ANXA4: variants seen among roughly 807,000 people sequenced by gnomAD.
ANXA4 encodes the protein 35-beta calcimedin.
ANXA4 carries 39 observed loss-of-function variants against 49.8 expected under a neutral mutation model. The ratio of observed to expected loss-of-function variants is 0.78; its 90% CI spans 0.61 to 1.02. The LOEUF is 1.02. ANXA4 is among the 50% of genes least tolerant of loss of function. The probability of loss-of-function intolerance (pLI) is 0.00; values close to 1 mark genes in which losing one functional copy is unlikely to be tolerated. For missense variants in ANXA4, 360 were observed against 410.1 expected (o/e 0.88, Z 1.05); for synonymous variants, 134 against 152.5 (o/e 0.88, Z 0.89).
intron 2 of ANXA4, among the ~76,000 whole-genome samples, chr2:69,677,164 G>T (rs1356889113): frequency 6.6e-6 from 1 of 151,646 alleles, no homozygotes; most frequent in African/African-American, 2.4e-5. Flanking sequence ...ATAAAATTTT[G>T]TCTCTTCTTT....
intron 2 of ANXA4, among the ~76,000 whole-genome samples, chr2:69,689,173 C>A (rs1399485866): frequency 6.6e-6 from 1 of 152,104 alleles, no homozygotes; most frequent in Non-Finnish European, 1.5e-5. Context: ...TCCACCGCAG[C>A]CTTGAACTGG....
At position 69,718,680 on chromosome 2, in the gene ANXA4, C is replaced by T. The variant is rs569438148; in HGVS notation, n.767-2094C>T. 2.2e-4 allele frequency among the ~76,000 whole-genome samples: 33 copies of T among 152,242 alleles called. No individual in the cohort carries two copies. In the East Asian group the frequency reaches 4.6e-3, roughly 21 times the overall value. On this transcript the variant is annotated intron_variant and non_coding_transcript_variant, in intron 2 of 3. Transcript: ENST00000418066. ...ACATGCATACACAAACATGTACACA[C>T]GTATACACATGCATGCATGCACATG...
rs148386368 is a variant in ANXA4, at chr2:69,789,779, A to T, written c.97+1638A>T. Among the ~76,000 whole-genome samples, 476 of 152,094 alleles carry T rather than the reference A, an allele frequency of 3.1e-3. 2 individuals are homozygous for T. The highest frequency in any genetic ancestry group is 0.01 in the African/African-American group (428 of 41,474). On this transcript the variant is annotated intron_variant, in intron 3 of 12. Coordinates refer to ENST00000394295, the MANE Select transcript of ANXA4 (RefSeq NM_001153.5). ...GTTTTTTTAAATCAGCTCTTATCCC[A>T]TTCTCTGACCACATAGATGGACTCT...
At chr2:69,763,096 C>T (rs1435125155) in intron 1 of ANXA4, among the ~76,000 whole-genome samples, 2 of 152,138 alleles carry the variant, frequency 1.3e-5, no homozygotes, top group Admixed American at 1.3e-4. Flanking sequence ...TCACGTGAAT[C>T]AGAAATCCAC....
chr2:69,651,128 A>C (rs576098041), intron 1 of ANXA4, among the ~76,000 whole-genome samples: 1 of 152,288 alleles, frequency 6.6e-6, no homozygotes, highest in Non-Finnish European at 1.5e-5. Flanking sequence ...TTGATTTGAG[A>C]GTGTTCCTTT....
intron 1 of ANXA4, among the ~76,000 whole-genome samples, chr2:69,753,505 C>T (rs1028993778): frequency 1.3e-5 from 2 of 152,166 alleles, no homozygotes; most frequent in African/African-American, 4.8e-5. Flanking sequence ...AGATGCTGTA[C>T]AATCGATATT....
chr2:69,806,175 T>C (rs1673434590), intron 4 of ANXA4, among the ~76,000 whole-genome samples: 1 of 152,174 alleles, frequency 6.6e-6, no homozygotes, highest in African/African-American at 2.4e-5. Context: ...ACAGACAATG[T>C]CAAATAGCCT....
At chr2:69,770,537 C>T (rs78660289) in intron 1 of ANXA4, among the ~76,000 whole-genome samples, 1,723 of 152,234 alleles carry the variant, frequency 0.011, 27 homozygotes, top group Non-Finnish European at 0.014. Flanking sequence ...GTGGCCTGTT[C>T]TGGGATGTGG....
At chr2:69,805,353 T>C (rs149080515) in intron 4 of ANXA4, among the ~76,000 whole-genome samples, 3,153 of 151,718 alleles carry the variant, frequency 0.021, 58 homozygotes, top group Non-Finnish European at 0.029. Context: ...CCTGTAATCC[T>C]AGCACTTTGG....
chr2:69,816,920 G>T (rs1674019019), intron 9 of ANXA4: 1 of 152,124 alleles, frequency 6.6e-6, no homozygotes, highest in Admixed American at 6.5e-5. Flanking sequence ...GGAAATTTGA[G>T]AATGAGTTTG....
intron 1 of ANXA4, among the ~76,000 whole-genome samples, chr2:69,649,586 C>T (rs1676147468): frequency 8.3e-6 from 1 of 120,854 alleles, no homozygotes. Flanking sequence ...CTCTTGTGTG[C>T]TTCTTTGATT....
chr2:69,817,525 T>C (rs888778386), intron 9 of ANXA4: 1 of 152,190 alleles, frequency 6.6e-6, no homozygotes, highest in African/African-American at 2.4e-5. Context: ...ACACACTGAC[T>C]TCAATTTAAG....
chr2:69,797,216 G>A (rs1672983870), intron 3 of ANXA4, among the ~76,000 whole-genome samples: 1 of 152,052 alleles, frequency 6.6e-6, no homozygotes, highest in Non-Finnish European at 1.5e-5. Context: ...AGGTTTCCTC[G>A]GTCTCCTGGT....
At chr2:69,706,880 C>T (rs77023533) in intron 2 of ANXA4, among the ~76,000 whole-genome samples, 1 of 152,084 alleles carries the variant, frequency 6.6e-6, no homozygotes, top group African/African-American at 2.4e-5. Context: ...CATAGAAATG[C>T]TTTTATGTCA....
chr2:69,667,244 T>A (rs1191199416), intron 2 of ANXA4, among the ~76,000 whole-genome samples: 3 of 152,030 alleles, frequency 2.0e-5, no homozygotes, highest in Non-Finnish European at 4.4e-5. Context: ...CCAAAATTGA[T>A]TGTGGTGATG....
At chr2:69,820,957 T>C (rs1674223582) in intron 12 of ANXA4, 136 bp downstream of exon 12, 2 of 995,138 alleles carry the variant, frequency 2.0e-6, no homozygotes, top group South Asian at 2.1e-5. Flanking sequence ...ATATTTCCAG[T>C]CTCTCCTCTT....
intron 2 of ANXA4, among the ~76,000 whole-genome samples, chr2:69,685,689 TATCAGTGAGAATAAGCA>T (rs1209924487): frequency 6.6e-6 from 1 of 152,250 alleles, no homozygotes; most frequent in Non-Finnish European, 1.5e-5. Context: ...GAATTAAATC[TATCAGTGAGAATAAGCA>T]ATACTTGCTT....
intron 2 of ANXA4, among the ~76,000 whole-genome samples, chr2:69,688,527 C>T (rs2105368814): frequency 6.6e-6 from 1 of 152,260 alleles, no homozygotes; most frequent in African/African-American, 2.4e-5. Context: ...AGCTGGAATA[C>T]TTTTATAAAG....
At position 69,705,223 on chromosome 2, in the gene ANXA4, G is replaced by A. The variant is rs546313841; in HGVS notation, n.767-15551G>A. Among the ~76,000 whole-genome samples the A allele has an allele frequency of 2.4e-3, 371 of 152,212 alleles. 2 individuals carry two copies. Among genetic ancestry groups the A allele is most frequent in the Non-Finnish European group, 3.4e-3 (229 of 67,996 alleles). ...AGGTGGGAGGATCACTGAAGCCTGA[G>A]AAGTCTGGGCTTCAGTGAGCCAAGA... is the stretch of plus-strand genomic sequence containing the variant. On this transcript the variant is annotated intron_variant and non_coding_transcript_variant, in intron 2 of 3. Coordinates refer to the ANXA4 transcript ENST00000418066.
Sources: gnomAD v4.1 joint callset for allele counts (sites outside exome capture counted in the v4.1 genomes callset) on GRCh38, gnomAD v4.1.1 for gene constraint, MANE v1.5 for transcripts, NCBI Gene and HGNC (gene_info 2026-07-23, HGNC 2026-07-21) for gene names.